Variants in PDE4D observed in about 807,000 individuals in gnomAD.
PDE4D encodes phosphodiesterase 4D, also known as 3',5'-cyclic-AMP phosphodiesterase 4D.
In PDE4D, 24 loss-of-function variants were observed where a neutral mutation model predicts 87.4. The observed-to-expected ratio is 0.27, with a 90% CI of 0.20 to 0.39. PDE4D has a LOEUF of 0.39. Ranked by LOEUF, PDE4D falls within the 10% of genes least tolerant of loss-of-function variation. PDE4D has a pLI of 1.00. For synonymous variants in PDE4D, 384 were observed against 383.2 expected, an observed-to-expected ratio of 1.00 and a Z score of -0.02; for missense variants, 714 against 1,041.0, an observed-to-expected ratio of 0.69 and a Z score of 4.32.
At chr5:59,611,009 A>G (rs1419535864) in intron 1 of PDE4D, among the ~76,000 whole-genome samples, 1 of 152,106 alleles carries the variant, frequency 6.6e-6, no homozygotes, top group Non-Finnish European at 1.5e-5. Flanking sequence ...TCACATACAA[A>G]TCTTATTCAA....
At chr5:59,133,114 T>A (rs931157311) in intron 5 of PDE4D, among the ~76,000 whole-genome samples, 2 of 152,152 alleles carry the variant, frequency 1.3e-5, no homozygotes, top group African/African-American at 4.8e-5. Context: ...ATACACACAC[T>A]CTTACACAAA....
chr5:59,369,039 T>G (rs1326964396), intron 1 of PDE4D, among the ~76,000 whole-genome samples: 4 of 152,242 alleles, frequency 2.6e-5, no homozygotes, highest in Non-Finnish European at 5.9e-5. Flanking sequence ...ATGTGCTTTC[T>G]ATGTAAATGC....
chr5:59,867,508 T>A (rs1747222502), intron 1 of PDE4D, among the ~76,000 whole-genome samples: 1 of 152,188 alleles, frequency 6.6e-6, no homozygotes, highest in Non-Finnish European at 1.5e-5. Context: ...TGGTGTAATT[T>A]TTTTCAGAAC....
rs117627895 is a variant in PDE4D, at chr5:59,631,737, G to A, written c.455+261431C>T. On this transcript the variant is annotated intron_variant, in intron 1 of 14. Coordinates refer to ENST00000340635, the MANE Select transcript of PDE4D (RefSeq NM_001104631.2). ...AGCCCAGATACTATGCTTTTCCCAC[G>A]GTCTTCACTAGCCACAGATCAGGAG... is the stretch of plus-strand genomic sequence containing the variant. Among the ~76,000 whole-genome samples the A allele has an allele frequency of 3.0e-4, 46 of 152,330 alleles. No individual in the cohort carries two copies. In the East Asian group the frequency reaches 7.9e-3, roughly 26 times the overall value.
At chr5:60,105,317 G>T (rs1776760269) in intron 2 of PDE4D, among the ~76,000 whole-genome samples, 1 of 152,052 alleles carries the variant, frequency 6.6e-6, no homozygotes, top group African/African-American at 2.4e-5. Flanking sequence ...AGAGAAAAAA[G>T]AATAAAAAGA....
At chr5:58,980,090 ATCGACATTTTAAGG>A (rs1479452563) in intron 11 of PDE4D, among the ~76,000 whole-genome samples, 1 of 152,216 alleles carries the variant, frequency 6.6e-6, no homozygotes, top group East Asian at 1.9e-4. Context: ...TACTGTTGTT[ATCGACATTTTAAGG>A]CTATGTTCCA....
At chr5:60,049,137 T>C (rs1425377692) in intron 2 of PDE4D, among the ~76,000 whole-genome samples, 3 of 152,140 alleles carry the variant, frequency 2.0e-5, no homozygotes, top group African/African-American at 4.8e-5. Flanking sequence ...CGCTGATACC[T>C]TTTCTTCCAG....
chr5:60,400,521 C>CAAAA (rs56750243), intron 1 of PDE4D, among the ~76,000 whole-genome samples: 13 of 62,308 alleles, frequency 2.1e-4, no homozygotes, highest in African/African-American at 4.4e-4. Flanking sequence ...GACTCCATCT[C>CAAAA]AAAAAAAAAA....
At chr5:60,100,500 G>T (rs1397785675) in intron 2 of PDE4D, among the ~76,000 whole-genome samples, 1 of 151,978 alleles carries the variant, frequency 6.6e-6, no homozygotes, top group Non-Finnish European at 1.5e-5. Context: ...AGTGGATCTA[G>T]AATATTTGCA....
Position 59,107,194 on chromosome 5 carries a change from G to A in PDE4D, c.809-68223C>T, listed in dbSNP as rs529617217. On this transcript the variant is annotated intron_variant, in intron 5 of 14. Coordinates refer to ENST00000340635, the MANE Select transcript of PDE4D (RefSeq NM_001104631.2). ...AGACATAATGCTATGAGAGTGCTGA[G>A]GGCATTTTTCTTTTTCTTTTTTCTT... 5.9e-5 allele frequency among the ~76,000 whole-genome samples: 9 copies of A among 152,160 alleles called. No homozygotes were observed. The East Asian group carries it at 1.7e-3, about 29-fold the overall frequency.
intron 11 of PDE4D, among the ~76,000 whole-genome samples, chr5:58,978,905 C>G (rs1268851366): frequency 6.6e-6 from 1 of 152,114 alleles, no homozygotes; most frequent in East Asian, 1.9e-4. Context: ...GTTCTTAGCA[C>G]ATATTATTGT....
At chr5:59,290,829 G>A (rs1445951094) in intron 1 of PDE4D, among the ~76,000 whole-genome samples, 3 of 151,982 alleles carry the variant, frequency 2.0e-5, no homozygotes, top group Non-Finnish European at 4.4e-5. Flanking sequence ...ATATGAAAAG[G>A]TGCTCAACAT....
intron 1 of PDE4D, among the ~76,000 whole-genome samples, chr5:59,346,778 AACTCT>A (rs1253607471): frequency 4.6e-5 from 7 of 152,182 alleles, no homozygotes; most frequent in Non-Finnish European, 1.0e-4. Flanking sequence ...CCTCCTGAAC[AACTCT>A]ACTCAAAGCA....
chr5:58,982,636 A>C (rs1745476768), intron 11 of PDE4D, among the ~76,000 whole-genome samples: 1 of 152,040 alleles, frequency 6.6e-6, no homozygotes, highest in South Asian at 2.1e-4. Context: ...TCCCCCCAAA[A>C]TGGTGTTATA....
At chr5:60,485,336 T>C (rs1749052229) in intron 1 of PDE4D, among the ~76,000 whole-genome samples, 1 of 151,154 alleles carries the variant, frequency 6.6e-6, no homozygotes, top group African/African-American at 2.4e-5. Context: ...ATCAGTCCTA[T>C]ATATAACACA....
chr5:60,123,019 A>G (rs1390739342), intron 2 of PDE4D, among the ~76,000 whole-genome samples: 6 of 152,220 alleles, frequency 3.9e-5, no homozygotes, highest in Admixed American at 3.3e-4. Context: ...TTGCTAAAAC[A>G]TAATAAGAAT....
intron 1 of PDE4D, among the ~76,000 whole-genome samples, chr5:59,301,652 G>A (rs1048540355): frequency 5.9e-5 from 9 of 152,136 alleles, no homozygotes; most frequent in African/African-American, 2.2e-4. Context: ...ATAGAAAGGA[G>A]TTTTGAGGTG....
intron 1 of PDE4D, among the ~76,000 whole-genome samples, chr5:59,304,091 G>C (rs775733756): frequency 6.6e-6 from 1 of 151,968 alleles, no homozygotes; most frequent in Non-Finnish European, 1.5e-5. Flanking sequence ...AGTTTTCCTT[G>C]TAGAAGTCTC....
intron 1 of PDE4D, among the ~76,000 whole-genome samples, chr5:60,481,145 A>G (rs1748698867): frequency 6.6e-6 from 1 of 152,148 alleles, no homozygotes; most frequent in Admixed American, 6.5e-5. Flanking sequence ...ATAGGAGGAA[A>G]ATAATTTGGT....
Sources: gnomAD v4.1 joint callset for allele counts (sites outside exome capture counted in the v4.1 genomes callset) on GRCh38, gnomAD v4.1.1 for gene constraint, MANE v1.5 for transcripts, NCBI Gene and HGNC (gene_info 2026-07-23, HGNC 2026-07-21) for gene names.